The following CMSS1 variants were observed in gnomAD, a reference collection of about 807,000 sequenced individuals.
CMSS1 encodes the protein cms1 ribosomal small subunit homolog, also known as protein CMSS1.
In CMSS1, 33 loss-of-function variants were observed where a neutral mutation model predicts 43.5. The observed-to-expected ratio is 0.76, with a 90% CI of 0.57 to 1.01. The LOEUF (loss-of-function observed/expected upper bound fraction) is 1.01. Ranked by LOEUF, CMSS1 falls within the 50% of genes least tolerant of loss-of-function variation. The pLI, the probability that CMSS1 is intolerant of heterozygous loss-of-function variation, is 0.00. For missense variants in CMSS1, 313 were observed against 326.4 expected (o/e 0.96, Z 0.32); for synonymous variants, 115 against 117.2 (o/e 0.98, Z 0.12).
chr3:99,944,421 C>T (rs1707946060), intron 1 of CMSS1, among the ~76,000 whole-genome samples: 1 of 152,194 alleles, frequency 6.6e-6, no homozygotes, highest in African/African-American at 2.4e-5. Flanking sequence ...CCCAGGCTGT[C>T]ACGTCTGTCT....
Position 99,929,782 on chromosome 3 carries a change from G to A in CMSS1, c.64+111739G>A, listed in dbSNP as rs1429486684. ...TAAAACTGTAAGGAATCAAAGAGGA[G>A]TTACAGATCATGCTCATCTGCAGGG... On this transcript the variant is annotated intron_variant, in intron 1 of 9. Coordinates refer to ENST00000421999, the MANE Select transcript of CMSS1 (RefSeq NM_032359.4). 4 of 1,104,830 alleles carry A rather than the reference G, an allele frequency of 3.6e-6. No individual in the cohort carries two copies. The Admixed American group carries it at 7.6e-5, about 21-fold the overall frequency. 68.4% of individuals were successfully genotyped at this position (1,104,830 alleles called of 1,614,324 possible). A position where few individuals can be genotyped will look rare whatever the true frequency, so the allele number is the denominator to read the frequency against.
intron 1 of CMSS1, among the ~76,000 whole-genome samples, chr3:100,064,803 A>G (rs987785060): frequency 2.6e-5 from 4 of 152,074 alleles, no homozygotes; most frequent in African/African-American, 7.2e-5. Flanking sequence ...ACAAACAGCT[A>G]ATTTTTTAAG....
chr3:99,851,124 G>T (rs868563058), intron 1 of CMSS1: 11 of 1,352,194 alleles, frequency 8.1e-6, no homozygotes, highest in Non-Finnish European at 1.0e-5. Context: ...GTAACTCATC[G>T]AATGTACTTA....
intron 1 of CMSS1, among the ~76,000 whole-genome samples, chr3:100,106,349 T>A (rs1178623828): frequency 6.6e-6 from 1 of 152,148 alleles, no homozygotes. Context: ...TGATTCTACA[T>A]GTAACCTAAT....
chr3:99,999,916 T>C (rs1463136815), intron 1 of CMSS1, among the ~76,000 whole-genome samples: 1 of 152,228 alleles, frequency 6.6e-6, no homozygotes, highest in African/African-American at 2.4e-5. Flanking sequence ...CATATTGGAC[T>C]ATGGGCCTCT....
intron 1 of CMSS1, among the ~76,000 whole-genome samples, chr3:99,837,233 G>A (rs772425798): frequency 2.6e-5 from 4 of 152,090 alleles, no homozygotes; most frequent in Non-Finnish European, 4.4e-5. Flanking sequence ...CCTCCCTGTT[G>A]CCCTAAAGGA....
At chr3:99,880,985 T>A (rs1705707423) in intron 1 of CMSS1, among the ~76,000 whole-genome samples, 1 of 152,220 alleles carries the variant, frequency 6.6e-6, no homozygotes, top group Admixed American at 6.5e-5. Flanking sequence ...AAAGCGCATG[T>A]TTACATATTC....
At chr3:99,826,503 T>G (rs532443235) in intron 1 of CMSS1, among the ~76,000 whole-genome samples, 1 of 152,364 alleles carries the variant, frequency 6.6e-6, no homozygotes, top group East Asian at 1.9e-4. Context: ...GAATTTTATG[T>G]AATTTTCACG....
chr3:100,088,329 G>A (rs1204901808), intron 1 of CMSS1, among the ~76,000 whole-genome samples: 3 of 151,992 alleles, frequency 2.0e-5, no homozygotes, highest in Admixed American at 6.6e-5. Context: ...TCAGTGTAAC[G>A]CTCAGACATT....
At chr3:99,981,247 T>G (rs536009994) in intron 1 of CMSS1, among the ~76,000 whole-genome samples, 1 of 152,262 alleles carries the variant, frequency 6.6e-6, no homozygotes, top group African/African-American at 2.4e-5. Flanking sequence ...ACTACCCCAA[T>G]GCTAAACTTG....
At chr3:100,099,508 T>C (rs1175078397) in intron 1 of CMSS1, among the ~76,000 whole-genome samples, 1 of 152,176 alleles carries the variant, frequency 6.6e-6, no homozygotes. Context: ...CTCTAGGTGA[T>C]ATAAAAGTAT....
intron 1 of CMSS1, among the ~76,000 whole-genome samples, chr3:99,975,485 G>A (rs778719880): frequency 6.6e-6 from 1 of 151,940 alleles, no homozygotes; most frequent in African/African-American, 2.4e-5. Context: ...CCAGCTACTC[G>A]GGAGGCTGAG....
intron 1 of CMSS1, among the ~76,000 whole-genome samples, chr3:100,096,262 A>G (rs114748258): frequency 1.3e-5 from 2 of 152,142 alleles, no homozygotes; most frequent in Non-Finnish European, 2.9e-5. Flanking sequence ...ACTACTAGGT[A>G]CATACCCCAA....
chr3:99,931,992 T>C (rs1013334783), intron 1 of CMSS1, among the ~76,000 whole-genome samples: 1 of 152,214 alleles, frequency 6.6e-6, no homozygotes, highest in African/African-American at 2.4e-5. Flanking sequence ...TTACTTTTAG[T>C]TTGTAGTATT....
chr3:100,086,632 A>G (rs2066014398), intron 1 of CMSS1, among the ~76,000 whole-genome samples: 1 of 152,222 alleles, frequency 6.6e-6, no homozygotes, highest in Non-Finnish European at 1.5e-5. Context: ...TCATTGCAGC[A>G]ATTTAGTGTA....
At chr3:100,054,986 T>G (rs2065439958) in intron 1 of CMSS1, among the ~76,000 whole-genome samples, 2 of 152,148 alleles carry the variant, frequency 1.3e-5, no homozygotes, top group African/African-American at 4.8e-5. Flanking sequence ...CAGAGCCTCT[T>G]TTGGGCCTTC....
intron 1 of CMSS1, among the ~76,000 whole-genome samples, chr3:100,065,787 G>A (rs1460008190): frequency 4.6e-5 from 7 of 152,160 alleles, no homozygotes; most frequent in South Asian, 2.1e-4. Flanking sequence ...AGAATAAAAC[G>A]TTATATTTCA....
At chr3:100,043,680 A>G (rs2065239971) in intron 1 of CMSS1, among the ~76,000 whole-genome samples, 1 of 152,220 alleles carries the variant, frequency 6.6e-6, no homozygotes, top group South Asian at 2.1e-4. Flanking sequence ...AACTTTTTTT[A>G]CAAAATGACA....
chr3:100,067,032 GTAT>G (rs2065678008), intron 1 of CMSS1, among the ~76,000 whole-genome samples: 1 of 152,164 alleles, frequency 6.6e-6, no homozygotes, highest in Non-Finnish European at 1.5e-5. Context: ...AGTGTGCTTT[GTAT>G]TCAGAAGGGC....
Sources: gnomAD v4.1 joint callset for allele counts (sites outside exome capture counted in the v4.1 genomes callset) on GRCh38, gnomAD v4.1.1 for gene constraint, MANE v1.5 for transcripts, NCBI Gene and HGNC (gene_info 2026-07-23, HGNC 2026-07-21) for gene names.